TBL1Y: variants seen among roughly 807,000 people sequenced by gnomAD.
The protein encoded by TBL1Y is F-box-like/WD repeat-containing protein TBL1Y.
Under a neutral mutation model 12.0 loss-of-function variants are expected in TBL1Y, and 15 were observed. The ratio of observed to expected loss-of-function variants is 1.25; its 90% CI spans 0.83 to 1.92. TBL1Y has a LOEUF of 1.92. Ranked by LOEUF, TBL1Y falls within the 40% of genes most tolerant of loss-of-function variation. The probability of loss-of-function intolerance (pLI) is 0.00; values close to 1 mark genes in which losing one functional copy is unlikely to be tolerated. For synonymous variants in TBL1Y, 53 were observed against 42.6 expected (o/e 1.24, Z -0.95); for missense variants, 148 against 116.7 (o/e 1.27, Z -1.24).
At chrY:6,914,160 C>T in intron 2 of TBL1Y, among the ~76,000 whole-genome samples, 2 of 31,742 alleles carry the variant, frequency 6.3e-5, no homozygotes, top group South Asian at 7.5e-4. Context: ...CACTTTGGGA[C>T]GCCAAGCGGG....
At chrY:7,058,004 G>A (rs970584771) in intron 7 of TBL1Y, among the ~76,000 whole-genome samples, 1 of 33,781 alleles carries the variant, frequency 3.0e-5, no homozygotes, top group Admixed American at 2.7e-4. Flanking sequence ...AAATTGACTG[G>A]TATTCCCTGT....
chrY:6,929,760 G>A, intron 2 of TBL1Y, among the ~76,000 whole-genome samples: 2 of 33,606 alleles, frequency 6.0e-5, no homozygotes, highest in African/African-American at 1.2e-4. Flanking sequence ...CATGGTTCAT[G>A]CTCATCTTTT....
At chrY:6,958,511 A>G in intron 2 of TBL1Y, among the ~76,000 whole-genome samples, 2 of 33,111 alleles carry the variant, frequency 6.0e-5, no homozygotes, top group African/African-American at 2.4e-4. Flanking sequence ...CAGTGGGCCC[A>G]GGGTACCGGC....
At chrY:7,059,444 G>A in intron 7 of TBL1Y, among the ~76,000 whole-genome samples, 2 of 32,770 alleles carry the variant, frequency 6.1e-5, no homozygotes, top group African/African-American at 2.4e-4. Context: ...TGACTCGGGT[G>A]TGATGAATCC....
At chrY:6,967,815 CT>C (rs2012180533) in intron 2 of TBL1Y, among the ~76,000 whole-genome samples, 2 of 34,073 alleles carry the variant, frequency 5.9e-5, no homozygotes, top group East Asian at 7.9e-4. Flanking sequence ...GAAAGGGAAT[CT>C]TTTTGCTCAG....
chrY:6,939,060 G>C (rs778125500), intron 2 of TBL1Y, among the ~76,000 whole-genome samples: 1 of 34,369 alleles, frequency 2.9e-5, no homozygotes, highest in South Asian at 6.5e-4. Context: ...GACCCAAGTG[G>C]GTTGCCACTG....
At chrY:7,063,423 C>G in intron 7 of TBL1Y, among the ~76,000 whole-genome samples, 1 of 32,732 alleles carries the variant, frequency 3.1e-5, no homozygotes, top group South Asian at 7.1e-4. Flanking sequence ...TAAACTAATT[C>G]CGATTGGCTA....
intron 4 of TBL1Y, among the ~76,000 whole-genome samples, chrY:7,020,466 A>G (rs2012576484): frequency 3.0e-5 from 1 of 32,993 alleles, no homozygotes; most frequent in Non-Finnish European, 7.4e-5. Flanking sequence ...CTGTAATCCC[A>G]GCTACTCAGG....
intron 2 of TBL1Y, among the ~76,000 whole-genome samples, chrY:6,958,518 C>A: frequency 3.1e-5 from 1 of 32,626 alleles, no homozygotes; most frequent in Non-Finnish European, 7.5e-5. Context: ...CCCAGGGTAC[C>A]GGCACTCAGC....
At chrY:7,003,336 G>GT (rs187454144) in intron 4 of TBL1Y, among the ~76,000 whole-genome samples, 102 of 34,042 alleles carry the variant, frequency 3.0e-3, no homozygotes, top group African/African-American at 0.01. Flanking sequence ...GGCTAGGGGA[G>GT]TGAAGGTGTG....
Position 7,091,468 on chromosome Y carries a change from C to T in TBL1Y, c.1549-4C>T. On this transcript the variant is annotated splice_polypyrimidine_tract_variant and splice_region_variant and intron_variant, in intron 18 of 18. Transcript: ENST00000383032. ...GATGACAAGTACTTTGTCTTTCCTT[C>T]CAGGTGTGTGTTCTGGATCTGTGAA... is the stretch of plus-strand genomic sequence containing the variant. 1 of 381,193 alleles carries T rather than the reference C, an allele frequency of 2.6e-6. No individual in the cohort carries two copies. Among genetic ancestry groups the T allele is most frequent in the East Asian group, 9.7e-5 (1 of 10,258 alleles).
intron 4 of TBL1Y, among the ~76,000 whole-genome samples, chrY:7,015,017 C>G (rs2012541995): frequency 3.0e-5 from 1 of 33,147 alleles, no homozygotes; most frequent in Admixed American, 2.8e-4. Flanking sequence ...TTAAAAGTAC[C>G]ATGTACTTTT....
intron 3 of TBL1Y, among the ~76,000 whole-genome samples, chrY:6,992,644 A>C (rs754713576): frequency 3.3e-4 from 11 of 33,703 alleles, no homozygotes; most frequent in Admixed American, 8.1e-4. Flanking sequence ...GCCAGGGTGC[A>C]CTTGGTGGAG....
At chrY:6,964,088 A>T in intron 2 of TBL1Y, among the ~76,000 whole-genome samples, 2 of 33,740 alleles carry the variant, frequency 5.9e-5, no homozygotes, top group Non-Finnish European at 1.5e-4. Flanking sequence ...AAATGTTTTA[A>T]CTTGTCCTCC....
chrY:6,999,742 C>G (rs111842458), intron 4 of TBL1Y, among the ~76,000 whole-genome samples: 74 of 23,420 alleles, frequency 3.2e-3, no homozygotes, highest in African/African-American at 0.012. Flanking sequence ...TCCTTCCCTT[C>G]TTCTCTTCCT....
chrY:7,053,647 C>T, intron 7 of TBL1Y, among the ~76,000 whole-genome samples: 1 of 33,515 alleles, frequency 3.0e-5, no homozygotes, highest in Non-Finnish European at 7.4e-5. Context: ...TATGCAAGTT[C>T]TCTCTGAGCC....
At chrY:7,079,133 T>C in intron 13 of TBL1Y, among the ~76,000 whole-genome samples, 2 of 34,192 alleles carry the variant, frequency 5.8e-5, no homozygotes, top group Non-Finnish European at 1.5e-4. Flanking sequence ...GCACCTGCTA[T>C]GGGAACTTCC....
intron 4 of TBL1Y, among the ~76,000 whole-genome samples, chrY:7,020,606 G>C (rs1603039130): frequency 1.2e-4 from 4 of 32,781 alleles, no homozygotes; most frequent in African/African-American, 2.4e-4. Context: ...AAAACAAAAA[G>C]AAAAACAAAA....
chrY:6,992,441 T>C, intron 3 of TBL1Y, among the ~76,000 whole-genome samples: 1 of 33,509 alleles, frequency 3.0e-5, no homozygotes, highest in Non-Finnish European at 7.4e-5. Flanking sequence ...GACCTAAGCC[T>C]ATCTTAGATC....
Sources: gnomAD v4.1 joint callset for allele counts (sites outside exome capture counted in the v4.1 genomes callset) on GRCh38, gnomAD v4.1.1 for gene constraint, MANE v1.5 for transcripts, NCBI Gene and HGNC (gene_info 2026-07-23, HGNC 2026-07-21) for gene names.